MACROD2: variants seen among roughly 807,000 people sequenced by gnomAD.
MACROD2 encodes the protein mono-ADP ribosylhydrolase 2, also known as ADP-ribose glycohydrolase MACROD2.
Under a neutral mutation model 70.4 loss-of-function variants are expected in MACROD2, and 36 were observed. The observed-to-expected ratio is 0.51, with a 90% CI of 0.39 to 0.68. MACROD2 has a LOEUF of 0.68. Among genes scored for constraint, MACROD2 ranks in the 30% least tolerant of loss-of-function variants. MACROD2 has a pLI of 0.00. For missense variants in MACROD2, 496 were observed against 538.4 expected, an observed-to-expected ratio of 0.92 and a Z score of 0.78; for synonymous variants, 172 against 178.8, an observed-to-expected ratio of 0.96 and a Z score of 0.30.
intron 3 of MACROD2, among the ~76,000 whole-genome samples, chr20:14,405,513 C>T (rs750006165): frequency 1.3e-5 from 2 of 152,166 alleles, no homozygotes; most frequent in Non-Finnish European, 2.9e-5. Context: ...CTTTGTCCTA[C>T]TCTGTGCTCA....
At chr20:15,624,700 G>A (rs2049177308) in intron 8 of MACROD2, among the ~76,000 whole-genome samples, 1 of 152,180 alleles carries the variant, frequency 6.6e-6, no homozygotes, top group African/African-American at 2.4e-5. Flanking sequence ...AGTTGTTACG[G>A]TGGAAACAAC....
In MACROD2 at chr20:15,821,056, T is replaced by G. The variant is rs940952113; in HGVS notation, c.646-41689T>G. Among the ~76,000 whole-genome samples the G allele has an allele frequency of 3.9e-5, 6 of 152,180 alleles. No individual in the cohort carries two copies. The East Asian group carries it at 7.7e-4, about 20-fold the overall frequency. On this transcript the variant is annotated intron_variant, in intron 8 of 17. Transcript: ENST00000684519. ...CACAGACACAGATCCTTGGTCATACTGCAAATATCTTCTCTGTGGTTTGCC... is the reference window on the plus strand; with the variant it reads ...CACAGACACAGATCCTTGGTCATACGGCAAATATCTTCTCTGTGGTTTGCC...
At chr20:15,875,925 A>AG (rs957879729) in intron 9 of MACROD2, among the ~76,000 whole-genome samples, 1 of 151,862 alleles carries the variant, frequency 6.6e-6, no homozygotes, top group Non-Finnish European at 1.5e-5. Context: ...AGGCAAATGC[A>AG]GGGGAAAAAA....
chr20:14,133,369 A>G (rs978846990), intron 3 of MACROD2, among the ~76,000 whole-genome samples: 1 of 152,186 alleles, frequency 6.6e-6, no homozygotes, highest in Non-Finnish European at 1.5e-5. Context: ...ATCATTTCCA[A>G]TACAAATATT....
intron 8 of MACROD2, among the ~76,000 whole-genome samples, chr20:15,579,471 A>G (rs10485530): frequency 0.078 from 11,939 of 152,200 alleles, 719 homozygotes; most frequent in East Asian, 0.16. Context: ...TCATTTTGTC[A>G]AGCAGAATGA....
At chr20:15,374,502 C>A (rs569940496) in intron 6 of MACROD2, among the ~76,000 whole-genome samples, 2 of 152,200 alleles carry the variant, frequency 1.3e-5, no homozygotes, top group Non-Finnish European at 1.5e-5. Context: ...TGTTTACCTT[C>A]CACATAAGAT....
At chr20:15,032,026 G>A (rs1456947132) in intron 5 of MACROD2, among the ~76,000 whole-genome samples, 1 of 152,192 alleles carries the variant, frequency 6.6e-6, no homozygotes, top group Non-Finnish European at 1.5e-5. Flanking sequence ...GGGTTGAGGC[G>A]TCAGGGGGCT....
intron 8 of MACROD2, among the ~76,000 whole-genome samples, chr20:15,692,116 T>C (rs2050306428): frequency 6.6e-6 from 1 of 152,164 alleles, no homozygotes; most frequent in African/African-American, 2.4e-5. Flanking sequence ...TTGCTCATTG[T>C]ACGTTAAGCA....
chr20:14,707,646 G>A (rs1464029968), intron 5 of MACROD2, among the ~76,000 whole-genome samples: 5 of 152,030 alleles, frequency 3.3e-5, no homozygotes, highest in South Asian at 4.1e-4. Context: ...TCTCTCATTC[G>A]GACTCAGCAA....
At chr20:16,027,563 T>A (rs1027719097) in intron 15 of MACROD2, among the ~76,000 whole-genome samples, 1 of 152,206 alleles carries the variant, frequency 6.6e-6, no homozygotes, top group Non-Finnish European at 1.5e-5. Context: ...TTTCAAAGAA[T>A]TCAGCCTTGG....
intron 4 of MACROD2, among the ~76,000 whole-genome samples, chr20:14,660,521 T>G (rs538357196): frequency 8.5e-5 from 13 of 152,310 alleles, no homozygotes; most frequent in African/African-American, 2.9e-4. Context: ...TCCATAATTT[T>G]TCTAAATTTT....
At chr20:15,107,994 T>G (rs1396081186) in intron 5 of MACROD2, among the ~76,000 whole-genome samples, 1 of 151,588 alleles carries the variant, frequency 6.6e-6, no homozygotes, top group East Asian at 1.9e-4. Context: ...TTTTTTTTTT[T>G]TTTTACATTT....
At chr20:15,359,723 A>G (rs2078330044) in intron 6 of MACROD2, among the ~76,000 whole-genome samples, 1 of 152,114 alleles carries the variant, frequency 6.6e-6, no homozygotes, top group Non-Finnish European at 1.5e-5. Flanking sequence ...AAGAGAATTT[A>G]ATTTTTTTAA....
chr20:14,430,064 G>A lies in MACROD2; in HGVS notation c.272-63415G>A, dbSNP rs547759496. Reference sequence around the variant, plus strand: ...ACTTTTGGTGTACCCAAACTAAAACGGTTTGTTAGCGTTGGAGAAAGAACA... The same window carrying A: ...ACTTTTGGTGTACCCAAACTAAAACAGTTTGTTAGCGTTGGAGAAAGAACA... On this transcript the variant is annotated intron_variant, in intron 3 of 17. Transcript: ENST00000684519. Among the ~76,000 whole-genome samples the A allele has an allele frequency of 9.9e-5, 15 of 152,154 alleles. No homozygotes were observed. The East Asian group carries it at 2.3e-3, about 23-fold the overall frequency.
chr20:15,571,404 A>G (rs1360437801), intron 8 of MACROD2, among the ~76,000 whole-genome samples: 4 of 145,996 alleles, frequency 2.7e-5, no homozygotes, highest in Non-Finnish European at 6.1e-5. Context: ...CCTCTTGAAA[A>G]TGTTTGCAGT....
At chr20:14,385,272 A>C (rs2083457735) in intron 3 of MACROD2, among the ~76,000 whole-genome samples, 1 of 152,170 alleles carries the variant, frequency 6.6e-6, no homozygotes, top group Non-Finnish European at 1.5e-5. Flanking sequence ...CTATTATTTT[A>C]GTTATACATG....
At position 14,976,567 on chromosome 20, in the gene MACROD2, C is replaced by T. The variant is rs538225462; in HGVS notation, c.419-253373C>T. ...TTAACCCAATCTGCAGTGTCCCTTT[C>T]GCATATAAGGTGACATTCACAGAGT... On this transcript the variant is annotated intron_variant, in intron 5 of 17. Coordinates refer to ENST00000684519, the MANE Select transcript of MACROD2 (RefSeq NM_001351661.2). Among the ~76,000 whole-genome samples, 10 of 152,246 alleles carry T rather than the reference C, an allele frequency of 6.6e-5. No individual in the cohort carries two copies. The South Asian group carries it at 1.5e-3, about 22-fold the overall frequency.
intron 12 of MACROD2, among the ~76,000 whole-genome samples, chr20:15,961,752 C>T (rs1383647230): frequency 6.6e-6 from 1 of 152,166 alleles, no homozygotes; most frequent in East Asian, 1.9e-4. Flanking sequence ...TATAGATGAA[C>T]ATTTTAACAG....
intron 4 of MACROD2, among the ~76,000 whole-genome samples, chr20:14,548,092 C>T (rs1033247918): frequency 2.6e-5 from 4 of 152,178 alleles, no homozygotes; most frequent in African/African-American, 9.7e-5. Flanking sequence ...GGCAAAGCCA[C>T]GTCGCAAAGG....
Sources: gnomAD v4.1 joint callset for allele counts (sites outside exome capture counted in the v4.1 genomes callset) on GRCh38, gnomAD v4.1.1 for gene constraint, MANE v1.5 for transcripts, NCBI Gene and HGNC (gene_info 2026-07-23, HGNC 2026-07-21) for gene names.